The following ARMH1 variants were observed in gnomAD, a reference collection of about 807,000 sequenced individuals.
The protein encoded by ARMH1 is armadillo like helical domain containing 1.
A neutral mutation model predicts 50.2 loss-of-function variants in ARMH1; 34 were observed. That is an observed-to-expected ratio of 0.68 (90% CI 0.51 to 0.90). The LOEUF is 0.90. Among genes scored for constraint, ARMH1 ranks in the 40% least tolerant of loss-of-function variants. The pLI is 0.00. For synonymous variants in ARMH1, 221 were observed against 224.2 expected (o/e 0.99, Z 0.13); for missense variants, 538 against 553.9 (o/e 0.97, Z 0.29).
chr1:44,704,012 C>T (rs1028814235), intron 5 of ARMH1, 77 bp from the exon 6 acceptor site: 3 of 1,234,920 alleles, frequency 2.4e-6, no homozygotes, highest in Non-Finnish European at 3.5e-6. Flanking sequence ...AGGCGTGAGC[C>T]ACCGCACCCG....
chr1:44,698,228 TG>T lies in ARMH1; in HGVS notation c.442+1del. ...TYKELICESY[G>X]VRSIAEFLAK... ...ACAAGGAACTCATTTGTGAAAGCTA[TG>T]GTGGGTACTGTGTGTGACAAGATGT... On this transcript the variant is annotated frameshift_variant and splice_region_variant, in exon 4 of 12. Coordinates refer to ENST00000535358, the MANE Select transcript of ARMH1 (RefSeq NM_001145636.2). LOFTEE classifies it high-confidence loss of function. 6.4e-7 allele frequency: 1 copy of T among 1,551,280 alleles called. No individual in the cohort carries two copies. Among genetic ancestry groups the T allele is most frequent in the Non-Finnish European group, 8.7e-7 (1 of 1,146,418 alleles).
chr1:44,716,844 CT>C (rs1248347265), intron 6 of ARMH1, among the ~76,000 whole-genome samples: 3 of 149,984 alleles, frequency 2.0e-5, no homozygotes, highest in South Asian at 2.1e-4. Flanking sequence ...CCGAACTATT[CT>C]TTTTTCTTTT....
At chr1:44,712,737 C>T (rs1646670986) in intron 6 of ARMH1, among the ~76,000 whole-genome samples, 2 of 146,842 alleles carry the variant, frequency 1.4e-5, no homozygotes. Flanking sequence ...GATCTTGGCT[C>T]ACTGGAACCT....
intron 2 of ARMH1, among the ~76,000 whole-genome samples, chr1:44,691,379 G>T (rs1397952546): frequency 1.3e-5 from 2 of 152,006 alleles, no homozygotes; most frequent in Admixed American, 1.3e-4. Flanking sequence ...ACTGATGCAG[G>T]TCTTGCTAAG....
At chr1:44,680,673 G>A (rs1645278824) in intron 1 of ARMH1, among the ~76,000 whole-genome samples, 1 of 152,172 alleles carries the variant, frequency 6.6e-6, no homozygotes, top group Admixed American at 6.5e-5. Context: ...AGGAGTCAGG[G>A]AAGATGGGAA....
In ARMH1 at chr1:44,683,632, C is replaced by T. The variant is rs1257225777; in HGVS notation, c.-22-6044C>T. On this transcript the variant is annotated intron_variant, in intron 1 of 11. Coordinates refer to ENST00000535358, the MANE Select transcript of ARMH1 (RefSeq NM_001145636.2). This position sits in a 1 kb window ranked among gnomAD's most constrained non-coding sequence, Gnocchi z 4.2. Reference sequence around the variant, plus strand: ...TGAGCTAAACCACTAAATCTGACAACAGGAGATTATTGGTGACACCTTGGA... The same window carrying T: ...TGAGCTAAACCACTAAATCTGACAATAGGAGATTATTGGTGACACCTTGGA... 1.3e-5 allele frequency among the ~76,000 whole-genome samples: 2 copies of T among 152,174 alleles called. No homozygotes were observed. Among genetic ancestry groups the T allele is most frequent in the African/African-American group, 4.8e-5 (2 of 41,426 alleles).
rs924897126 is a variant in ARMH1 at position 44,683,705 on chromosome 1, C to G, written c.-22-5971C>G. 1.3e-5 allele frequency among the ~76,000 whole-genome samples: 2 copies of G among 152,170 alleles called. No individual in the cohort carries two copies. Among genetic ancestry groups the G allele is most frequent in the African/African-American group, 4.8e-5 (2 of 41,434 alleles). On this transcript the variant is annotated intron_variant, in intron 1 of 11. Coordinates refer to ENST00000535358, the MANE Select transcript of ARMH1 (RefSeq NM_001145636.2). This position sits in a 1 kb window ranked among gnomAD's most constrained non-coding sequence, Gnocchi z 4.2. ...TGCCCTTGGCTTAGTGGGGAAAAAC[C>G]TGGACTTTGGAGTTATATGCAGATC...
chr1:44,716,552 G>T (rs1646858599), intron 6 of ARMH1, among the ~76,000 whole-genome samples: 1 of 152,182 alleles, frequency 6.6e-6, no homozygotes, highest in Non-Finnish European at 1.5e-5. Context: ...GTACCCAGCT[G>T]CCCAGGCTAG....
chr1:44,705,018 G>A (rs1230943847), intron 6 of ARMH1, among the ~76,000 whole-genome samples: 1 of 150,774 alleles, frequency 6.6e-6, no homozygotes, highest in Admixed American at 6.6e-5. Flanking sequence ...ATATTTTTTA[G>A]TGGAGACGAG....
intron 6 of ARMH1, among the ~76,000 whole-genome samples, chr1:44,705,906 C>A (rs374939679): frequency 6.6e-6 from 1 of 151,980 alleles, no homozygotes; most frequent in African/African-American, 2.4e-5. Context: ...GAGAGGAGTT[C>A]GTTCTGGAAA....
In ARMH1 at chr1:44,725,125, C is replaced by A; in HGVS notation, c.1129-11C>A. The A allele has an allele frequency of 6.4e-7, 1 of 1,551,838 alleles. No individual in the cohort carries two copies. Among genetic ancestry groups the A allele is most frequent in the South Asian group, 1.2e-5 (1 of 84,032 alleles). On this transcript the variant is annotated splice_polypyrimidine_tract_variant and intron_variant, in intron 10 of 11. Transcript: ENST00000535358. ...GCACCCCAGCCGGGTCCCCCTTGCT[C>A]CTGTCCTCAGAGCAACGCTGAGGAC...
chr1:44,706,849 G>C (rs1008756068), intron 6 of ARMH1, among the ~76,000 whole-genome samples: 3 of 152,112 alleles, frequency 2.0e-5, no homozygotes, highest in Non-Finnish European at 4.4e-5. Flanking sequence ...ATTGGAGCAA[G>C]GGGATGACCT....
intron 6 of ARMH1, among the ~76,000 whole-genome samples, chr1:44,714,257 G>A (rs1490115776): frequency 6.1e-5 from 9 of 147,052 alleles, no homozygotes; most frequent in Middle Eastern, 3.7e-3. Context: ...GTGACAGAGC[G>A]AGACTCCGTC....
At chr1:44,677,315 A>G (rs1243635283) in intron 1 of ARMH1, among the ~76,000 whole-genome samples, 1 of 152,198 alleles carries the variant, frequency 6.6e-6, no homozygotes, top group East Asian at 1.9e-4. Flanking sequence ...TTTTTCCCTC[A>G]ACAACATTCA....
At chr1:44,721,833 T>G (rs574732919) in intron 6 of ARMH1, 1 of 152,174 alleles carries the variant, frequency 6.6e-6, no homozygotes. Context: ...AAACTCATAG[T>G]TGTTTTTCTC....
Position 44,682,355 on chromosome 1 carries a change from T to C in ARMH1, c.-22-7321T>C, listed in dbSNP as rs1237843747. Among the ~76,000 whole-genome samples, 1 of 152,156 alleles carries C rather than the reference T, an allele frequency of 6.6e-6. No homozygotes were observed. The highest frequency in any genetic ancestry group is 1.5e-5 in the Non-Finnish European group (1 of 68,028). ...GGCAAGGTAGAGAGGGAAAGACAGATGGCCTGACCTCAGAGGAGGAGGAAG... is the reference window on the plus strand; with the variant it reads ...GGCAAGGTAGAGAGGGAAAGACAGACGGCCTGACCTCAGAGGAGGAGGAAG... On this transcript the variant is annotated intron_variant, in intron 1 of 11. Transcript: ENST00000535358. This position sits in a 1 kb window ranked among gnomAD's most constrained non-coding sequence, Gnocchi z 4.5.
intron 1 of ARMH1, among the ~76,000 whole-genome samples, chr1:44,675,757 C>G (rs1426367807): frequency 3.3e-5 from 5 of 151,802 alleles, no homozygotes; most frequent in Non-Finnish European, 5.9e-5. Context: ...GTCAGGAGTT[C>G]GAGACCAGCC....
intron 2 of ARMH1, among the ~76,000 whole-genome samples, chr1:44,695,736 C>G (rs1403958759): frequency 6.6e-6 from 1 of 151,956 alleles, no homozygotes; most frequent in Non-Finnish European, 1.5e-5. Flanking sequence ...ATTTACAAGT[C>G]CGAAACTAGT....
At chr1:44,676,553 A>G (rs1048903222) in intron 1 of ARMH1, among the ~76,000 whole-genome samples, 2 of 152,218 alleles carry the variant, frequency 1.3e-5, no homozygotes, top group African/African-American at 4.8e-5. Context: ...TAAGAAGATC[A>G]GTAGTAGTAT....
Sources: allele counts gnomAD v4.1 joint callset (sites outside exome capture counted in the v4.1 genomes callset), GRCh38; gene constraint gnomAD v4.1.1; non-coding constraint Gnocchi (gnomAD v3.1); transcripts MANE v1.5; gene names NCBI Gene and HGNC (gene_info 2026-07-23, HGNC 2026-07-21).